The following CPNE4 variants were observed in gnomAD, a reference collection of about 807,000 sequenced individuals.
CPNE4 encodes the protein copine 4, also known as copine-4.
In CPNE4, 25 loss-of-function variants were observed where a neutral mutation model predicts 67.9. The observed-to-expected ratio is 0.37, with a 90% CI of 0.27 to 0.51. CPNE4 has a LOEUF of 0.51. CPNE4 is among the 20% of genes least tolerant of loss of function. The pLI, the probability that CPNE4 is intolerant of heterozygous loss-of-function variation, is 0.93. For synonymous variants in CPNE4, 242 were observed against 244.9 expected, an observed-to-expected ratio of 0.99 and a Z score of 0.11; for missense variants, 464 against 690.8, an observed-to-expected ratio of 0.67 and a Z score of 3.68.
chr3:132,031,671 T>C (rs1297507705), intron 1 of CPNE4, among the ~76,000 whole-genome samples: 3 of 152,186 alleles, frequency 2.0e-5, no homozygotes, highest in Admixed American at 2.0e-4. Flanking sequence ...TAACATAATG[T>C]TCTAGGGTGT....
intron 2 of CPNE4, among the ~76,000 whole-genome samples, chr3:131,780,218 T>C (rs1298701320): frequency 1.3e-5 from 2 of 152,158 alleles, no homozygotes; most frequent in South Asian, 2.1e-4. Context: ...GGAACACTTA[T>C]ACACTGCTGG....
intron 2 of CPNE4, among the ~76,000 whole-genome samples, chr3:131,871,580 G>T (rs1411780330): frequency 6.6e-6 from 1 of 152,186 alleles, no homozygotes; most frequent in East Asian, 1.9e-4. Context: ...GGTCCAGATA[G>T]AGCAGGAAGT....
chr3:131,544,156 T>G (rs1011593304), intron 14 of CPNE4, among the ~76,000 whole-genome samples: 5 of 152,170 alleles, frequency 3.3e-5, no homozygotes, highest in Non-Finnish European at 7.4e-5. Flanking sequence ...AAAAGAACTT[T>G]CAATATAATC....
Position 132,034,830 on chromosome 3 carries a change from G to A in CPNE4, c.-265C>T. 1 of 985,618 alleles carries A rather than the reference G, an allele frequency of 1.0e-6. No homozygotes were observed. The highest frequency in any genetic ancestry group is 1.2e-6 in the Non-Finnish European group (1 of 830,120). The allele number at this position is 985,618 out of a possible 1,614,324, so 61.1% of individuals were successfully genotyped here. A position where few individuals can be genotyped will look rare whatever the true frequency, so the allele number is the denominator to read the frequency against. On this transcript the variant is annotated 5_prime_UTR_variant, in exon 1 of 16. Transcript: ENST00000429747. ...GGTGATGGGGGTGGGGGAAGAGGGT[G>A]AAAATGTTGGAGATGTCAGGTCGGC...
intron 2 of CPNE4, among the ~76,000 whole-genome samples, chr3:131,745,484 CT>C (rs1395339284): frequency 3.3e-5 from 5 of 152,002 alleles, no homozygotes; most frequent in African/African-American, 1.2e-4. Context: ...AGTCTAAGAA[CT>C]TTTTGCCTAA....
chr3:131,888,036 TCC>T (rs1180940326), intron 2 of CPNE4, among the ~76,000 whole-genome samples: 78 of 152,302 alleles, frequency 5.1e-4, no homozygotes, highest in African/African-American at 1.8e-3. Context: ...CAATAAATTA[TCC>T]CCAGCCTTCT....
chr3:131,739,188 A>G (rs76197412), intron 2 of CPNE4, among the ~76,000 whole-genome samples: 6,093 of 152,272 alleles, frequency 0.04, 150 homozygotes, highest in Admixed American at 0.076. Context: ...TGCAGAGCCA[A>G]ACAAACCAGT....
rs367946985 is a variant in CPNE4, at chr3:131,632,011, C to T, written c.681+37664G>A. 1.9e-4 allele frequency among the ~76,000 whole-genome samples: 28 copies of T among 150,596 alleles called. No individual in the cohort carries two copies. In the East Asian group the frequency reaches 4.9e-3, roughly 26 times the overall value. Reference sequence around the variant, plus strand: ...GAGGCACAAGAGGGAGGCTGAGGCACGAGAATCGCTTGAGCCCAAGAGGCA... The same window carrying T: ...GAGGCACAAGAGGGAGGCTGAGGCATGAGAATCGCTTGAGCCCAAGAGGCA... On this transcript the variant is annotated intron_variant, in intron 7 of 15. Transcript: ENST00000429747.
chr3:131,585,704 G>T (rs1190382434), intron 8 of CPNE4, among the ~76,000 whole-genome samples: 2 of 152,142 alleles, frequency 1.3e-5, no homozygotes, highest in Non-Finnish European at 2.9e-5. Flanking sequence ...CTAGCAGGTG[G>T]TATGAATGCT....
chr3:132,038,396 G>GC (rs34641754), upstream of CPNE4, among the ~76,000 whole-genome samples: 56,421 of 151,528 alleles, frequency 0.37, 10,786 homozygotes, highest in South Asian at 0.47. Context: ...GTAACAACCT[G>GC]TGCTACGAAA....
At chr3:131,628,238 C>G (rs923252162) in intron 7 of CPNE4, among the ~76,000 whole-genome samples, 1 of 152,202 alleles carries the variant, frequency 6.6e-6, no homozygotes, top group African/African-American at 2.4e-5. Flanking sequence ...CATATTCACA[C>G]TGCTGATGAA....
upstream of CPNE4, among the ~76,000 whole-genome samples, chr3:132,037,167 T>C (rs2074354248): frequency 6.6e-6 from 1 of 152,232 alleles, no homozygotes; most frequent in South Asian, 2.1e-4. Context: ...TGGCCCTACA[T>C]GTTAAAAGCA....
At chr3:132,031,104 A>C (rs1000959766) in intron 1 of CPNE4, among the ~76,000 whole-genome samples, 1 of 152,212 alleles carries the variant, frequency 6.6e-6, no homozygotes, top group Admixed American at 6.5e-5. Flanking sequence ...TAAAATCAGT[A>C]ATCTATTCTT....
chr3:131,711,275 C>G (rs1406349597), intron 3 of CPNE4, among the ~76,000 whole-genome samples: 1 of 152,132 alleles, frequency 6.6e-6, no homozygotes, highest in South Asian at 2.1e-4. Flanking sequence ...CACAGAGATG[C>G]CTGCTCTGGT....
At chr3:132,029,240 C>A (rs1253598318) in intron 1 of CPNE4, among the ~76,000 whole-genome samples, 1 of 152,142 alleles carries the variant, frequency 6.6e-6, no homozygotes, top group Non-Finnish European at 1.5e-5. Context: ...TGAGAGTAGT[C>A]AGACTGTCCA....
At chr3:131,893,871 G>A (rs758641242) in intron 2 of CPNE4, among the ~76,000 whole-genome samples, 7 of 151,570 alleles carry the variant, frequency 4.6e-5, no homozygotes, top group Admixed American at 2.6e-4. Flanking sequence ...AAAGATTTCC[G>A]ATAAACAACC....
chr3:131,900,562 G>A (rs1436206582), intron 2 of CPNE4, among the ~76,000 whole-genome samples: 1 of 152,072 alleles, frequency 6.6e-6, no homozygotes, highest in Non-Finnish European at 1.5e-5. Flanking sequence ...TCACACGACT[G>A]TCTGAGACCC....
intron 2 of CPNE4, among the ~76,000 whole-genome samples, chr3:131,795,782 T>C (rs2107895547): frequency 6.6e-6 from 1 of 152,310 alleles, no homozygotes; most frequent in East Asian, 1.9e-4. Context: ...GTTGTGAATG[T>C]GTGTGTTTCT....
intron 1 of CPNE4, among the ~76,000 whole-genome samples, chr3:132,018,530 T>G (rs1199838030): frequency 6.6e-6 from 1 of 152,166 alleles, no homozygotes; most frequent in East Asian, 1.9e-4. Flanking sequence ...AATTTTGAAG[T>G]AGGGACTTTC....
Sources: allele counts gnomAD v4.1 joint callset (sites outside exome capture counted in the v4.1 genomes callset), GRCh38; gene constraint gnomAD v4.1.1; transcripts MANE v1.5; gene names NCBI Gene and HGNC (gene_info 2026-07-23, HGNC 2026-07-21).